The following WDR88 variants were observed in gnomAD, a reference collection of about 807,000 sequenced individuals.
WDR88 encodes WD repeat domain 88.
Under a neutral mutation model 46.8 loss-of-function variants are expected in WDR88, and 40 were observed. That is an observed-to-expected ratio of 0.86 (90% CI 0.66 to 1.11). The LOEUF (loss-of-function observed/expected upper bound fraction) is 1.11. WDR88 is among the 50% of genes most tolerant of loss of function. The pLI is 0.00. For missense variants in WDR88, 562 were observed against 602.4 expected, an observed-to-expected ratio of 0.93 and a Z score of 0.70; for synonymous variants, 235 against 240.7, an observed-to-expected ratio of 0.98 and a Z score of 0.22.
intron 7 of WDR88, among the ~76,000 whole-genome samples, chr19:33,159,441 C>T (rs777114547): frequency 3.9e-5 from 6 of 152,060 alleles, no homozygotes; most frequent in African/African-American, 1.2e-4. Context: ...TTCCTAAGCG[C>T]GAGAGTGCTA....
At chr19:33,133,157 GAATA>G (rs375517673) in intron 1 of WDR88, among the ~76,000 whole-genome samples, 2,241 of 105,734 alleles carry the variant, frequency 0.021, 74 homozygotes, top group African/African-American at 0.075. Context: ...ACTGTCTCCA[GAATA>G]AATAAATAAA....
chr19:33,153,639 C>T (rs889495901), intron 6 of WDR88, among the ~76,000 whole-genome samples: 23 of 152,102 alleles, frequency 1.5e-4, no homozygotes, highest in African/African-American at 4.6e-4. Context: ...GGACTACAGG[C>T]GCCCGCCACC....
At chr19:33,156,899 C>A (rs1973746722) in intron 7 of WDR88, among the ~76,000 whole-genome samples, 1 of 152,080 alleles carries the variant, frequency 6.6e-6, no homozygotes, top group Non-Finnish European at 1.5e-5. Flanking sequence ...CCTTTACCCC[C>A]AAGGAGGCAA....
At chr19:33,155,214 C>T (rs899813320) in intron 6 of WDR88, among the ~76,000 whole-genome samples, 8 of 152,070 alleles carry the variant, frequency 5.3e-5, no homozygotes, top group Non-Finnish European at 2.9e-5. Context: ...AATCTTGGCT[C>T]ACTGCAACCT....
intron 8 of WDR88, among the ~76,000 whole-genome samples, 177 bp from the exon 9 acceptor site, chr19:33,164,020 A>C (rs1226726558): frequency 6.6e-6 from 1 of 152,014 alleles, no homozygotes; most frequent in African/African-American, 2.4e-5. Flanking sequence ...CCCAGGCTGA[A>C]GTGCAGTGGT....
intron 10 of WDR88, 100 bp from the exon 11 acceptor site, chr19:33,175,296 C>A: frequency 7.9e-7 from 1 of 1,272,256 alleles, no homozygotes; most frequent in Non-Finnish European, 1.1e-6. Flanking sequence ...GGAACCCTTG[C>A]CTTGCCCCAG....
At chr19:33,159,336 AAAT>A (rs2145406885) in intron 7 of WDR88, among the ~76,000 whole-genome samples, 1 of 40,178 alleles carries the variant, frequency 2.5e-5, no homozygotes, top group East Asian at 9.2e-4. Context: ...TTATCTCTAA[AAAT>A]AAATAAATAA....
At chr19:33,134,956 C>G (rs1215209373) in intron 1 of WDR88, among the ~76,000 whole-genome samples, 1 of 150,692 alleles carries the variant, frequency 6.6e-6, no homozygotes, top group Non-Finnish European at 1.5e-5. Flanking sequence ...CACTGCCTTC[C>G]AGGCCACACC....
intron 9 of WDR88, among the ~76,000 whole-genome samples, chr19:33,165,063 T>G (rs894649728): frequency 6.6e-6 from 1 of 151,910 alleles, no homozygotes; most frequent in Admixed American, 6.6e-5. Context: ...CAGTTCACAA[T>G]AGCCTTCGTG....
intron 10 of WDR88, chr19:33,174,810 T>C: frequency 3.1e-6 from 3 of 954,364 alleles, no homozygotes; most frequent in Non-Finnish European, 2.5e-6. Context: ...AGGACCCCCA[T>C]GGCAGGAGAC....
intron 2 of WDR88, 99 bp downstream of exon 2, chr19:33,137,886 G>A (rs1973308045): frequency 3.1e-6 from 3 of 981,366 alleles, no homozygotes; most frequent in Admixed American, 2.6e-5. Context: ...ACAGGCACTT[G>A]TGGGTCCTGG....
chr19:33,144,049 C>T (rs769482950), intron 2 of WDR88, among the ~76,000 whole-genome samples: 2 of 152,160 alleles, frequency 1.3e-5, no homozygotes, highest in Non-Finnish European at 2.9e-5. Flanking sequence ...GATCTCTGCA[C>T]AGCCGCTGTT....
At chr19:33,160,273 C>G in intron 7 of WDR88, 141 bp from the exon 8 acceptor site, 1 of 822,204 alleles carries the variant, frequency 1.2e-6, no homozygotes, top group Non-Finnish European at 2.1e-6. Flanking sequence ...GGCTTGGGGT[C>G]GTGGAGCCAC....
chr19:33,151,057 T>A (rs1264732872), intron 5 of WDR88, 124 bp from the exon 6 acceptor site: 11 of 1,132,378 alleles, frequency 9.7e-6, no homozygotes, highest in Non-Finnish European at 1.4e-5. Flanking sequence ...TGTGCAGGTG[T>A]GTAGCTCCTG....
chr19:33,137,702 A>C lies in WDR88; in HGVS notation c.302A>C (p.His101Pro). ...SKIPFKILSG[H>P]EHAVSTCHFC... is the part of the protein sequence containing the mutation. Reference sequence around the variant, plus strand: ...ATCCCATTTAAAATTCTGAGTGGGCACGAGCACGCTGTGAGCACCTGCCAC... The same window carrying C: ...ATCCCATTTAAAATTCTGAGTGGGCCCGAGCACGCTGTGAGCACCTGCCAC... The change falls in exon 2 of 11, where the codon CAC (histidine) becomes CCC (proline). Residue 101 changes from histidine to proline, a missense_variant. His to Pro is a moderately conservative substitution (Grantham distance 77). Coordinates refer to ENST00000355868, the MANE Select transcript of WDR88 (RefSeq NM_173479.4). 1 of 1,614,002 alleles carries C rather than the reference A, an allele frequency of 6.2e-7. No homozygotes were observed. The highest frequency in any genetic ancestry group is 8.5e-7 in the Non-Finnish European group (1 of 1,180,002).
At chr19:33,171,512 C>A (rs1197574277) in intron 9 of WDR88, among the ~76,000 whole-genome samples, 1 of 152,034 alleles carries the variant, frequency 6.6e-6, no homozygotes, top group Non-Finnish European at 1.5e-5. Flanking sequence ...CTCAATGTAT[C>A]CATTTTTTTA....
chr19:33,133,198 T>TAGAGAGAGAG (rs766958277), intron 1 of WDR88, among the ~76,000 whole-genome samples: 4 of 79,720 alleles, frequency 5.0e-5, no homozygotes, highest in Non-Finnish European at 7.7e-5. Context: ...TAAATAAATA[T>TAGAGAGAGAG]AGAGAGAGAG....
intron 9 of WDR88, among the ~76,000 whole-genome samples, chr19:33,168,278 G>T (rs1028163310): frequency 6.6e-6 from 1 of 151,908 alleles, no homozygotes; most frequent in African/African-American, 2.4e-5. Flanking sequence ...CACCCGCCTC[G>T]GCCTCCCAAA....
rs1372242539 is a variant in WDR88, at chr19:33,160,474, G to GCTAC, written c.1060_1063dup (p.Arg355LeufsTer10). 4 of 1,614,224 alleles carry GCTAC rather than the reference G, an allele frequency of 2.5e-6. No homozygotes were observed. The highest frequency in any genetic ancestry group is 3.4e-6 in the Non-Finnish European group (4 of 1,180,044). On this transcript the variant is annotated frameshift_variant, in exon 8 of 11. Transcript: ENST00000355868. LOFTEE classifies it high-confidence loss of function. ...GTGGCTATTTGGGATGTAGCAGAAG[G>GCTAC]CTACCGGAAGCTCTCTTTGAAGGTA...
Sources: gnomAD v4.1 joint callset for allele counts (sites outside exome capture counted in the v4.1 genomes callset) on GRCh38, gnomAD v4.1.1 for gene constraint, MANE v1.5 for transcripts, NCBI Gene and HGNC (gene_info 2026-07-23, HGNC 2026-07-21) for gene names.